ECT2L: variants seen among roughly 807,000 people sequenced by gnomAD.
The protein encoded by ECT2L is epithelial cell-transforming sequence 2 oncogene-like.
In ECT2L, 126 loss-of-function variants were observed where a neutral mutation model predicts 122.8. The observed-to-expected ratio is 1.03, with a 90% CI of 0.89 to 1.19. The LOEUF (loss-of-function observed/expected upper bound fraction) is 1.19. Ranked by LOEUF, ECT2L falls within the 50% of genes most tolerant of loss-of-function variation. The pLI is 0.00. For synonymous variants in ECT2L, 385 were observed against 381.8 expected (o/e 1.01, Z -0.10); for missense variants, 1,012 against 1,064.1 (o/e 0.95, Z 0.68).
chr6:138,826,018 T>G (rs1476314188), intron 4 of ECT2L, among the ~76,000 whole-genome samples: 1 of 152,218 alleles, frequency 6.6e-6, no homozygotes, highest in East Asian at 1.9e-4. Context: ...GATGGAAGCA[T>G]TCCCTCTTCG....
chr6:138,864,002 T>TAAAAAAAAAAAAA (rs1172466449), intron 11 of ECT2L, among the ~76,000 whole-genome samples: 2 of 55,846 alleles, frequency 3.6e-5, no homozygotes, highest in African/African-American at 1.6e-4. Context: ...TCTCCGTATT[T>TAAAAAAAAAAAAA]AAAAAAAAAA....
chr6:138,876,624 T>C, intron 14 of ECT2L, 66 bp downstream of exon 14: 1 of 944,696 alleles, frequency 1.1e-6, no homozygotes, highest in Non-Finnish European at 1.6e-6. Flanking sequence ...TCAGCCTTTA[T>C]TCTGGTTAGT....
At position 138,848,870 on chromosome 6, in the gene ECT2L, G is replaced by A. The variant is rs558139280; in HGVS notation, c.904-399G>A. ...GGGTTTCCTCATGTTGCCCAGGCTG[G>A]TCTCTAACTCTTGAGCTCAAGTTAT... is the stretch of plus-strand genomic sequence containing the variant. On this transcript the variant is annotated intron_variant, in intron 8 of 21. Coordinates refer to ENST00000541398, the MANE Select transcript of ECT2L (RefSeq NM_001077706.3). Among the ~76,000 whole-genome samples, 211 of 152,288 alleles carry A rather than the reference G, an allele frequency of 1.4e-3. 2 individuals carry two copies. The highest frequency in any genetic ancestry group is 4.8e-3 in the African/African-American group (201 of 41,562).
intron 8 of ECT2L, among the ~76,000 whole-genome samples, chr6:138,847,185 G>A (rs930834290): frequency 4.6e-5 from 7 of 150,946 alleles, no homozygotes; most frequent in African/African-American, 9.7e-5. Context: ...CATGAGAATC[G>A]CTTGAACCCA....
intron 20 of ECT2L, among the ~76,000 whole-genome samples, chr6:138,889,437 A>G (rs931143429): frequency 4.0e-5 from 6 of 151,786 alleles, no homozygotes; most frequent in African/African-American, 1.5e-4. Context: ...CTCCTGCGTC[A>G]GCCTTCCAAG....
At chr6:138,849,735 A>AT (rs1182441851) in intron 9 of ECT2L, among the ~76,000 whole-genome samples, 1 of 151,738 alleles carries the variant, frequency 6.6e-6, no homozygotes, top group Non-Finnish European at 1.5e-5. Context: ...CGCCCAGCTA[A>AT]TTTTTGTATT....
chr6:138,834,493 GC>G (rs1357854215), intron 4 of ECT2L, among the ~76,000 whole-genome samples: 1 of 152,084 alleles, frequency 6.6e-6, no homozygotes, highest in Non-Finnish European at 1.5e-5. Flanking sequence ...CCTTTGCTCT[GC>G]TGGGATGGAA....
intron 20 of ECT2L, among the ~76,000 whole-genome samples, chr6:138,898,149 A>G (rs1266835983): frequency 6.6e-6 from 1 of 152,140 alleles, no homozygotes; most frequent in Non-Finnish European, 1.5e-5. Flanking sequence ...CTCACCACAG[A>G]CTGCCCATCA....
Position 138,816,397 on chromosome 6 carries a change from G to T in ECT2L, c.179+1794G>T, listed in dbSNP as rs537507096. On this transcript the variant is annotated intron_variant, in intron 4 of 21. Transcript: ENST00000541398. ...TTCAGTGAAAGTACTTTTTTTTTTT[G>T]TTTGTTTGTTTGTTTTTGGATAGCA... is the stretch of plus-strand genomic sequence containing the variant. Among the ~76,000 whole-genome samples the T allele has an allele frequency of 3.7e-3, 557 of 150,876 alleles. 5 individuals carry two copies. Among genetic ancestry groups the T allele is most frequent in the South Asian group, 0.014 (69 of 4,814 alleles).
intron 1 of ECT2L, among the ~76,000 whole-genome samples, chr6:138,806,847 C>T (rs921950608): frequency 4.6e-5 from 7 of 151,992 alleles, no homozygotes; most frequent in Non-Finnish European, 7.4e-5. Flanking sequence ...AACTTAACTA[C>T]TGATAGCCTA....
At chr6:138,828,887 T>C (rs1776548592) in intron 4 of ECT2L, among the ~76,000 whole-genome samples, 1 of 152,182 alleles carries the variant, frequency 6.6e-6, no homozygotes, top group Admixed American at 6.5e-5. Flanking sequence ...GGTATTCAAA[T>C]TGTGTTGTTC....
Position 138,814,589 on chromosome 6 carries a change from T to G in ECT2L, c.165T>G (p.Thr55=). The part of the protein sequence containing the change: ...EFLFAIFLRC[T]KSQLRFVQDW... ...TATTCGCAATTTTTTTAAGATGCACTAAATCACAATTAAGGTAAATGTAGC... is the reference window on the plus strand; with the variant it reads ...TATTCGCAATTTTTTTAAGATGCACGAAATCACAATTAAGGTAAATGTAGC... The change falls in exon 4 of 22, where the codon ACT becomes ACG. Residue 55 remains threonine (T), a synonymous_variant. Transcript: ENST00000541398. 6.2e-7 allele frequency: 1 copy of G among 1,604,272 alleles called. No homozygotes were observed. Among genetic ancestry groups the G allele is most frequent in the Non-Finnish European group, 8.5e-7 (1 of 1,171,618 alleles).
At chr6:138,847,569 G>A (rs1251580700) in intron 8 of ECT2L, among the ~76,000 whole-genome samples, 3 of 146,762 alleles carry the variant, frequency 2.0e-5, no homozygotes, top group Admixed American at 6.8e-5. Flanking sequence ...TAGTAAAGAC[G>A]GGTTTAGCCG....
In ECT2L at chr6:138,812,966, G is replaced by A. The variant is rs746865; in HGVS notation, c.-115G>A. 69,543 of 253,768 alleles carry A rather than the reference G, an allele frequency of 0.27. 9,526 individuals carry two copies. The highest frequency in any genetic ancestry group is 0.33 in the East Asian group (4,434 of 13,626). 15.7% of individuals were successfully genotyped at this position (253,768 alleles called of 1,614,324 possible). A position where few individuals can be genotyped will look rare whatever the true frequency, so the allele number is the denominator to read the frequency against. ...ACAACTTTTGTTTAAATTCAGATTT[G>A]GGTGAAAGCAGGTAAGAATAGAATA... is the stretch of plus-strand genomic sequence containing the variant. On this transcript the variant is annotated 5_prime_UTR_variant, in exon 2 of 22. Coordinates refer to ENST00000541398, the MANE Select transcript of ECT2L (RefSeq NM_001077706.3).
chr6:138,854,080 A>C lies in ECT2L; in HGVS notation c.1124A>C (p.Glu375Ala). 6.2e-7 allele frequency: 1 copy of C among 1,614,124 alleles called. No individual in the cohort carries two copies. Among genetic ancestry groups the C allele is most frequent in the Non-Finnish European group, 8.5e-7 (1 of 1,180,006 alleles). Residue 375 changes from glutamate to alanine, a missense_variant, in exon 10 of 22, where the codon GAG (glutamate) becomes GCG (alanine). By Grantham distance (107) the Glu-to-Ala change is moderately radical (BLOSUM62 -1). Transcript: ENST00000541398. ...AGGCCTGAAGTGAGAGATTTCTGGGAGAAATTAGGAAGCTATGTGGCCACT... is the reference window on the plus strand; with the variant it reads ...AGGCCTGAAGTGAGAGATTTCTGGGCGAAATTAGGAAGCTATGTGGCCACT... ...LLRPEVRDFW[E>A]KLGSYVATEE...
intron 20 of ECT2L, among the ~76,000 whole-genome samples, chr6:138,892,496 C>T (rs1015399051): frequency 2.3e-4 from 35 of 151,970 alleles, no homozygotes; most frequent in African/African-American, 7.5e-4. Flanking sequence ...CTTAGTACCC[C>T]TTATAATTTT....
chr6:138,882,711 T>A lies in ECT2L; in HGVS notation c.1881-13T>A. 1 of 1,613,502 alleles carries A rather than the reference T, an allele frequency of 6.2e-7. No individual in the cohort carries two copies. Among genetic ancestry groups the A allele is most frequent in the Admixed American group, 1.7e-5 (1 of 59,898 alleles). ...AGTGAATATTTCATGCTTATGCTCT[T>A]CTCATACCACAGGCAGTTTCTAGAT... is the stretch of plus-strand genomic sequence containing the variant. On this transcript the variant is annotated splice_polypyrimidine_tract_variant and intron_variant, in intron 15 of 21. Transcript: ENST00000541398.
rs759926666 is a variant in ECT2L, at chr6:138,885,595, G to A, written c.2102+16G>A. Reference sequence around the variant, plus strand: ...AAATGCTGAGGTACGTTCTGAGGGAGAGCACAGCAGGGGTCCCCCCAGAGA... The same window carrying A: ...AAATGCTGAGGTACGTTCTGAGGGAAAGCACAGCAGGGGTCCCCCCAGAGA... On this transcript the variant is annotated intron_variant, in intron 17 of 21. Transcript: ENST00000541398. The A allele has an allele frequency of 8.1e-6, 13 of 1,614,050 alleles. No individual in the cohort carries two copies. The highest frequency in any genetic ancestry group is 9.3e-6 in the Non-Finnish European group (11 of 1,180,016).
chr6:138,895,717 G>T (rs375996141), intron 20 of ECT2L, among the ~76,000 whole-genome samples: 1 of 152,140 alleles, frequency 6.6e-6, no homozygotes, highest in African/African-American at 2.4e-5. Context: ...AAGTACAGGG[G>T]CGTGCCACCA....
Sources: gnomAD v4.1 joint callset for allele counts (sites outside exome capture counted in the v4.1 genomes callset) on GRCh38, gnomAD v4.1.1 for gene constraint, MANE v1.5 for transcripts, NCBI Gene and HGNC (gene_info 2026-07-23, HGNC 2026-07-21) for gene names.